The following MTHFD1L variants were observed in gnomAD, a reference collection of about 807,000 sequenced individuals.
MTHFD1L encodes methylenetetrahydrofolate dehydrogenase (NADP+ dependent) 1 like, also known as monofunctional C1-tetrahydrofolate synthase, mitochondrial.
In MTHFD1L, 81 loss-of-function variants were observed where a neutral mutation model predicts 119.5. The observed-to-expected ratio is 0.68, with a 90% CI of 0.57 to 0.82. The LOEUF (loss-of-function observed/expected upper bound fraction) is 0.82. Among genes scored for constraint, MTHFD1L ranks in the 40% least tolerant of loss-of-function variants. The pLI is 0.00. For synonymous variants in MTHFD1L, 430 were observed against 475.2 expected (o/e 0.90, Z 1.24); for missense variants, 1,125 against 1,253.4 (o/e 0.90, Z 1.55).
intron 12 of MTHFD1L, among the ~76,000 whole-genome samples, 155 bp from the exon 13 acceptor site, chr6:150,938,544 G>T (rs1042661670): frequency 2.0e-5 from 3 of 151,822 alleles, no homozygotes; most frequent in African/African-American, 7.3e-5. Context: ...GTTCTGCTTG[G>T]ATATAACCAT....
chr6:150,866,203 C>G, intron 1 of MTHFD1L, 154 bp downstream of exon 1: 1 of 1,359,160 alleles, frequency 7.4e-7, no homozygotes, highest in East Asian at 3.1e-5. Flanking sequence ...TCGGGAAACG[C>G]GGGCTTGGGC....
At chr6:151,010,038 C>T (rs1033426997) in intron 21 of MTHFD1L, 80 bp downstream of exon 21, 33 of 1,453,720 alleles carry the variant, frequency 2.3e-5, no homozygotes, top group Middle Eastern at 4.8e-4. Context: ...AAAATTCCTG[C>T]CCATTTAATG....
chr6:150,866,671 A>G (rs1483174846), intron 1 of MTHFD1L: 3 of 1,175,868 alleles, frequency 2.6e-6, no homozygotes, highest in African/African-American at 3.2e-5. Flanking sequence ...GCCGGGGGGA[A>G]TCCGAGAGGT....
chr6:150,981,102 C>T (rs1777424947), intron 20 of MTHFD1L, among the ~76,000 whole-genome samples: 1 of 152,054 alleles, frequency 6.6e-6, no homozygotes, highest in South Asian at 2.1e-4. Flanking sequence ...GAAAAAATAA[C>T]ATCATTTCAT....
At chr6:150,887,785 G>A in intron 6 of MTHFD1L, 60 bp from the exon 7 acceptor site, 1 of 1,494,580 alleles carries the variant, frequency 6.7e-7, no homozygotes, top group Non-Finnish European at 8.9e-7. Flanking sequence ...TTAAGATAAA[G>A]TTCTTAAAGG....
rs777765319 is a variant in MTHFD1L at position 150,949,099 on chromosome 6, C to T, written c.1692C>T (p.Leu564=). The change falls in exon 16 of 28, where the codon CTC becomes CTT. Residue 564 remains leucine, a synonymous_variant. Transcript: ENST00000367321. ...TEEEVSKFAR[L]DIDPSTITWQ... ...AGGAAGTGAGTAAATTTGCCCGTCT[C>T]GACATCGACCCATCTACCATCACGT... is the stretch of plus-strand genomic sequence containing the variant. 41 of 1,613,892 alleles carry T rather than the reference C, an allele frequency of 2.5e-5. No homozygotes were observed. The East Asian group carries it at 2.9e-4, about 11-fold the overall frequency.
At chr6:150,965,994 G>A (rs141038534) in intron 19 of MTHFD1L, among the ~76,000 whole-genome samples, 98 of 152,338 alleles carry the variant, frequency 6.4e-4, no homozygotes, top group African/African-American at 2.3e-3. Context: ...CCAGCACAGA[G>A]CTGAGTAAAC....
chr6:151,069,325 G>A (rs1450006318), intron 26 of MTHFD1L, among the ~76,000 whole-genome samples: 1 of 149,848 alleles, frequency 6.7e-6, no homozygotes, highest in Non-Finnish European at 1.5e-5. Flanking sequence ...CCTCCAGGTT[G>A]TACAGCCAGG....
At chr6:151,015,089 C>A in intron 23 of MTHFD1L, 109 bp downstream of exon 23, 1 of 778,542 alleles carries the variant, frequency 1.3e-6, no homozygotes. Context: ...TAAAAGTATA[C>A]AGAAATACCC....
intron 7 of MTHFD1L, among the ~76,000 whole-genome samples, chr6:150,897,545 G>T (rs1244566608): frequency 6.6e-6 from 1 of 152,194 alleles, no homozygotes; most frequent in Non-Finnish European, 1.5e-5. Flanking sequence ...TAGCTGTGGG[G>T]TAAGTTTCAG....
intron 27 of MTHFD1L, chr6:151,099,640 A>G: frequency 6.2e-7 from 1 of 1,603,000 alleles, no homozygotes; most frequent in Non-Finnish European, 8.5e-7. Context: ...GTGGAAACCC[A>G]GAGGCATTGA....
At chr6:150,998,995 A>AAAAAAAAATGTATATATATAT (rs986639098) in intron 20 of MTHFD1L, among the ~76,000 whole-genome samples, 3 of 143,582 alleles carry the variant, frequency 2.1e-5, no homozygotes, top group African/African-American at 7.7e-5. Flanking sequence ...GTCTTAAAAA[A>AAAAAAAAATGTATATATATAT]ATATATATAC....
chr6:151,093,408 A>AAGCGTGGTGGCTCACACATGTAATCCC (rs71014542), intron 27 of MTHFD1L, among the ~76,000 whole-genome samples: 1 of 151,416 alleles, frequency 6.6e-6, no homozygotes, highest in Non-Finnish European at 1.5e-5. Flanking sequence ...ACTCTCAGCC[A>AAGCGTGGTGGCTCACACATGTAATCCC]AGCACTTTGG....
intron 20 of MTHFD1L, among the ~76,000 whole-genome samples, chr6:150,979,438 C>T (rs1253543726): frequency 6.6e-6 from 1 of 152,108 alleles, no homozygotes; most frequent in Non-Finnish European, 1.5e-5. Context: ...ATGACCTTAT[C>T]GAGTCCCACT....
At chr6:150,923,550 T>TCTTTTC (rs1583579454) in intron 10 of MTHFD1L, among the ~76,000 whole-genome samples, 1 of 140,618 alleles carries the variant, frequency 7.1e-6, no homozygotes, top group Admixed American at 7.1e-5. Flanking sequence ...TTTTCTTTTT[T>TCTTTTC]TTTTTTTTTT....
chr6:150,926,376 C>T lies in MTHFD1L; in HGVS notation c.1256+81C>T. 1 of 1,217,682 alleles carries T rather than the reference C, an allele frequency of 8.2e-7. No homozygotes were observed. Among genetic ancestry groups the T allele is most frequent in the Non-Finnish European group, 1.2e-6 (1 of 862,610 alleles). 75.4% of individuals were successfully genotyped at this position (1,217,682 alleles called of 1,614,324 possible). A position where few individuals can be genotyped will look rare whatever the true frequency, so the allele number is the denominator to read the frequency against. On this transcript the variant is annotated intron_variant, in intron 11 of 27. Coordinates refer to ENST00000367321, the MANE Select transcript of MTHFD1L (RefSeq NM_015440.5). The surrounding 1 kb of genome is among the most constrained non-coding windows in gnomAD (Gnocchi z 4.3). ...CCTATTTATCTCTCTCCTCGTACCC[C>T]TCAATCCATCCTATTCTCACATTTG...
chr6:150,946,282 T>C (rs1303039413), intron 15 of MTHFD1L, among the ~76,000 whole-genome samples: 1 of 152,200 alleles, frequency 6.6e-6, no homozygotes, highest in Non-Finnish European at 1.5e-5. Context: ...CCCAAGTAGC[T>C]GTGATTACAG....
intron 26 of MTHFD1L, among the ~76,000 whole-genome samples, chr6:151,063,151 T>G (rs1289430981): frequency 1.3e-5 from 2 of 152,186 alleles, no homozygotes; most frequent in African/African-American, 4.8e-5. Flanking sequence ...CACTCCAGCC[T>G]TTTTAGGACT....
intron 26 of MTHFD1L, among the ~76,000 whole-genome samples, chr6:151,054,544 G>A (rs1209697944): frequency 6.6e-6 from 1 of 152,178 alleles, no homozygotes; most frequent in Non-Finnish European, 1.5e-5. Flanking sequence ...TTATCAACAT[G>A]CAGTCAGTGC....
Sources: gnomAD v4.1 joint callset for allele counts (sites outside exome capture counted in the v4.1 genomes callset) on GRCh38, gnomAD v4.1.1 for gene constraint, Gnocchi (gnomAD v3.1) non-coding constraint, MANE v1.5 for transcripts, NCBI Gene and HGNC (gene_info 2026-07-23, HGNC 2026-07-21) for gene names.